Variants in UBE2G1 observed in about 807,000 individuals in gnomAD.
The protein encoded by UBE2G1 is ubiquitin-conjugating enzyme E2 G1.
In UBE2G1, 5 loss-of-function variants were observed where a neutral mutation model predicts 22.7. That is an observed-to-expected ratio of 0.22 (90% CI 0.12 to 0.46). The LOEUF (loss-of-function observed/expected upper bound fraction) is 0.46. Ranked by LOEUF, UBE2G1 falls within the 20% of genes least tolerant of loss-of-function variation. The probability of loss-of-function intolerance (pLI) is 0.99; values close to 1 mark genes in which losing one functional copy is unlikely to be tolerated. For missense variants in UBE2G1, 88 were observed against 203.9 expected, an observed-to-expected ratio of 0.43 and a Z score of 3.46; for synonymous variants, 74 against 67.5, an observed-to-expected ratio of 1.10 and a Z score of -0.47.
chr17:4,340,462 T>A (rs181585177), intron 1 of UBE2G1, among the ~76,000 whole-genome samples: 86 of 152,304 alleles, frequency 5.6e-4, no homozygotes, highest in Middle Eastern at 3.4e-3. Context: ...AATTACATGT[T>A]GAGGGAGGGA....
chr17:4,320,572 G>A (rs1406418213), intron 1 of UBE2G1, among the ~76,000 whole-genome samples: 3 of 152,126 alleles, frequency 2.0e-5, no homozygotes, highest in Admixed American at 2.0e-4. Flanking sequence ...GTAGGTGGTG[G>A]TTGTTATTAC....
chr17:4,352,566 G>C (rs879584453), intron 1 of UBE2G1, among the ~76,000 whole-genome samples: 2 of 152,208 alleles, frequency 1.3e-5, no homozygotes, highest in African/African-American at 4.8e-5. Flanking sequence ...AGAGATGTGG[G>C]AGGAAAAGCC....
intron 1 of UBE2G1, among the ~76,000 whole-genome samples, chr17:4,323,357 T>A (rs1479769914): frequency 2.0e-5 from 3 of 152,198 alleles, no homozygotes; most frequent in Non-Finnish European, 4.4e-5. Context: ...AAATATCAAT[T>A]ACTGATGCCG....
At chr17:4,307,164 T>C (rs1264894198) in intron 1 of UBE2G1, 41 bp from the exon 2 acceptor site, 1 of 1,516,514 alleles carries the variant, frequency 6.6e-7, no homozygotes. Context: ...TTTAAGCACA[T>C]AATTTGCATC....
chr17:4,346,806 A>G (rs888480238), intron 1 of UBE2G1, among the ~76,000 whole-genome samples: 1 of 152,112 alleles, frequency 6.6e-6, no homozygotes, highest in Non-Finnish European at 1.5e-5. Context: ...CATTCAAAAT[A>G]TATTTGCTGA....
At chr17:4,293,674 A>G (rs929826647) in intron 3 of UBE2G1, among the ~76,000 whole-genome samples, 5 of 152,130 alleles carry the variant, frequency 3.3e-5, no homozygotes, top group Non-Finnish European at 7.3e-5. Context: ...TTCCTCATTG[A>G]CATTTGTTAT....
intron 1 of UBE2G1, among the ~76,000 whole-genome samples, chr17:4,320,028 GTAT>G (rs947370889): frequency 9.9e-5 from 15 of 151,868 alleles, no homozygotes; most frequent in African/African-American, 3.1e-4. Flanking sequence ...GTGTGTGTGT[GTAT>G]TATTTTCTTG....
chr17:4,272,979 G>A (rs1357985901), intron 5 of UBE2G1, among the ~76,000 whole-genome samples: 1 of 152,204 alleles, frequency 6.6e-6, no homozygotes, highest in Admixed American at 6.5e-5. Context: ...AACAACTTAA[G>A]ATTGCCACAC....
At chr17:4,340,765 CTA>C (rs1969701772) in intron 1 of UBE2G1, among the ~76,000 whole-genome samples, 1 of 150,720 alleles carries the variant, frequency 6.6e-6, no homozygotes, top group Non-Finnish European at 1.5e-5. Flanking sequence ...ACCCAACATA[CTA>C]TTTTTTTTTA....
chr17:4,355,144 G>A (rs888881210), intron 1 of UBE2G1, among the ~76,000 whole-genome samples: 1 of 151,908 alleles, frequency 6.6e-6, no homozygotes, highest in African/African-American at 2.4e-5. Context: ...TGGGACTACA[G>A]GCATGTGCAA....
chr17:4,296,381 G>C (rs1457243287), intron 3 of UBE2G1, among the ~76,000 whole-genome samples: 1 of 152,152 alleles, frequency 6.6e-6, no homozygotes, highest in Admixed American at 6.6e-5. Context: ...TTGTGCCTCA[G>C]CCTCCGAAGT....
chr17:4,339,112 G>T (rs1452252192), intron 1 of UBE2G1, among the ~76,000 whole-genome samples: 3 of 152,142 alleles, frequency 2.0e-5, no homozygotes, highest in Middle Eastern at 6.8e-3. Flanking sequence ...CAGTAACAAC[G>T]AACGCTTTTT....
intron 2 of UBE2G1, chr17:4,301,784 G>T: frequency 1.7e-6 from 1 of 589,648 alleles, no homozygotes; most frequent in South Asian, 1.5e-5. Flanking sequence ...CTGGTTTAAA[G>T]ACAAAGAATT....
chr17:4,346,464 T>A (rs139950483), intron 1 of UBE2G1, among the ~76,000 whole-genome samples: 10,557 of 143,936 alleles, frequency 0.073, 518 homozygotes, highest in South Asian at 0.15. Flanking sequence ...AGACAGAGTC[T>A]CGCGCTGTTG....
At chr17:4,289,726 T>C (rs190853355) in intron 3 of UBE2G1, among the ~76,000 whole-genome samples, 40 of 152,340 alleles carry the variant, frequency 2.6e-4, no homozygotes, top group African/African-American at 8.2e-4. Flanking sequence ...AATGAATAAA[T>C]AGCAACTATT....
At chr17:4,275,856 G>T (rs148372936) in intron 5 of UBE2G1, among the ~76,000 whole-genome samples, 1 of 152,028 alleles carries the variant, frequency 6.6e-6, no homozygotes, top group African/African-American at 2.4e-5. Context: ...TCACCAATCC[G>T]CTGACTTTTT....
chr17:4,302,141 G>A, intron 2 of UBE2G1: 1 of 520,536 alleles, frequency 1.9e-6, no homozygotes, highest in South Asian at 1.4e-5. Context: ...GTGTTGCCAT[G>A]TTCCCTTTTA....
chr17:4,300,616 T>A (rs947309604), intron 2 of UBE2G1, among the ~76,000 whole-genome samples: 1 of 151,976 alleles, frequency 6.6e-6, no homozygotes, highest in Non-Finnish European at 1.5e-5. Flanking sequence ...ATATCTTTCA[T>A]TACATATTAT....
At chr17:4,283,449 G>C (rs1968919440) in intron 4 of UBE2G1, among the ~76,000 whole-genome samples, 1 of 152,160 alleles carries the variant, frequency 6.6e-6, no homozygotes, top group Non-Finnish European at 1.5e-5. Flanking sequence ...GCTGTGACCT[G>C]AGATGGTGCC....
Sources: gnomAD v4.1 joint callset for allele counts (sites outside exome capture counted in the v4.1 genomes callset) on GRCh38, gnomAD v4.1.1 for gene constraint, MANE v1.5 for transcripts, NCBI Gene and HGNC (gene_info 2026-07-23, HGNC 2026-07-21) for gene names.